SLC28A3: variants seen among roughly 807,000 people sequenced by gnomAD.
The protein encoded by SLC28A3 is solute carrier family 28 member 3.
A neutral mutation model predicts 84.2 loss-of-function variants in SLC28A3; 68 were observed. That is an observed-to-expected ratio of 0.81 (90% CI 0.66 to 0.99). SLC28A3 has a LOEUF of 0.99. Ranked by LOEUF, SLC28A3 falls within the 50% of genes least tolerant of loss-of-function variation. The pLI is 0.00. For missense variants in SLC28A3, 712 were observed against 841.5 expected (o/e 0.85, Z 1.90); for synonymous variants, 267 against 303.6 (o/e 0.88, Z 1.25).
At chr9:84,293,532 G>A (rs554910255) in intron 9 of SLC28A3, among the ~76,000 whole-genome samples, 2 of 152,310 alleles carry the variant, frequency 1.3e-5, no homozygotes, top group South Asian at 4.1e-4. Flanking sequence ...CTGGGGCTGT[G>A]CCCCAAGCAC....
intron 2 of SLC28A3, among the ~76,000 whole-genome samples, chr9:84,312,194 G>A (rs559861563): frequency 9.9e-5 from 15 of 152,158 alleles, no homozygotes; most frequent in Non-Finnish European, 2.2e-4. Context: ...ACATCCATGT[G>A]TAGGTTTTTA....
intron 1 of SLC28A3, among the ~76,000 whole-genome samples, chr9:84,324,609 A>C (rs1826488178): frequency 6.6e-6 from 1 of 151,318 alleles, no homozygotes; most frequent in Non-Finnish European, 1.5e-5. Flanking sequence ...ACACCACTGC[A>C]CTCCACATCC....
intron 17 of SLC28A3, 93 bp from the exon 18 acceptor site, chr9:84,278,437 G>T (rs1385970470): frequency 1.3e-6 from 2 of 1,509,456 alleles, no homozygotes; most frequent in Non-Finnish European, 9.0e-7. Context: ...TTCAGGGCAG[G>T]AAGCTGATTT....
rs982006566 is a variant in SLC28A3, at chr9:84,286,517, G to A, written c.1281-406C>T. Among the ~76,000 whole-genome samples the A allele has an allele frequency of 2.0e-5, 3 of 147,882 alleles. No homozygotes were observed. In the Admixed American group the frequency reaches 2.0e-4, roughly 10 times the overall value. On this transcript the variant is annotated intron_variant, in intron 12 of 17. Coordinates refer to ENST00000376238, the MANE Select transcript of SLC28A3 (RefSeq NM_001199633.2). ...GCACAGGCTGGTCTTGAACTTCTGG[G>A]CTTAAGCGATCCTCTTATCTTAGCC...
At chr9:84,347,941 G>C in the SLC28A3 span, among the ~76,000 whole-genome samples, 1 of 152,124 alleles carries the variant, frequency 6.6e-6, no homozygotes. Context: ...TCAAAAATGA[G>C]TTTCTAGGGC....
At chr9:84,354,373 C>G in the SLC28A3 span, among the ~76,000 whole-genome samples, 1 of 152,204 alleles carries the variant, frequency 6.6e-6, no homozygotes, top group Non-Finnish European at 1.5e-5. Context: ...ATACCATCCC[C>G]CCTGAAAGGA....
chr9:84,349,870 C>A, the SLC28A3 span, among the ~76,000 whole-genome samples: 1 of 152,158 alleles, frequency 6.6e-6, no homozygotes, highest in Non-Finnish European at 1.5e-5. Context: ...AGATGACAAT[C>A]TTTTTTAATA....
intron 8 of SLC28A3, among the ~76,000 whole-genome samples, chr9:84,295,364 C>A (rs548707581): frequency 7.2e-5 from 11 of 152,224 alleles, no homozygotes; most frequent in Non-Finnish European, 1.5e-4. Flanking sequence ...GCGGGCGGAT[C>A]ACCTGAGGTC....
chr9:84,288,019 C>T, intron 12 of SLC28A3, 29 bp downstream of exon 12: 1 of 1,612,998 alleles, frequency 6.2e-7, no homozygotes, highest in Non-Finnish European at 8.5e-7. Context: ...CTTGGGTAGT[C>T]ATTAATTAGG....
chr9:84,321,643 A>G (rs1178378196), intron 1 of SLC28A3, among the ~76,000 whole-genome samples: 1 of 149,056 alleles, frequency 6.7e-6, no homozygotes, highest in Non-Finnish European at 1.5e-5. Context: ...CTGAGGCAGG[A>G]GAATCACTTG....
chr9:84,288,168 G>C lies in SLC28A3; in HGVS notation c.1160C>G (p.Ser387Cys), dbSNP rs1164440180. 1 of 1,613,978 alleles carries C rather than the reference G, an allele frequency of 6.2e-7. No homozygotes were observed. Among genetic ancestry groups the C allele is most frequent in the African/African-American group, 1.3e-5 (1 of 74,940 alleles). ...CATAACTGACGCTGTTAACAAGTGG[G>C]AGGATGGAACCTGCAATTTCAGAAG... ...GAYISFGVPS[S>C]HLLTASVMSA... Residue 387 changes from serine (S) to cysteine (C), a missense_variant, in exon 12 of 18, where the codon TCC becomes TGC. Transcript: ENST00000376238.
At chr9:84,301,286 G>T (rs1315798123) in intron 5 of SLC28A3, among the ~76,000 whole-genome samples, 2 of 144,188 alleles carry the variant, frequency 1.4e-5, no homozygotes, top group African/African-American at 5.2e-5. Context: ...GGAGGCGGAG[G>T]TTGCAGTGAG....
intron 16 of SLC28A3, among the ~76,000 whole-genome samples, chr9:84,279,676 A>G (rs7850136): frequency 0.092 from 14,005 of 152,212 alleles, 784 homozygotes; most frequent in African/African-American, 0.16. Flanking sequence ...GCTGGTCTCA[A>G]ACTCCTGACA....
chr9:84,292,233 GA>G (rs1447548390), intron 10 of SLC28A3, among the ~76,000 whole-genome samples: 1 of 152,162 alleles, frequency 6.6e-6, no homozygotes, highest in Non-Finnish European at 1.5e-5. Flanking sequence ...GAGATTTCGA[GA>G]TAGTGAAATC....
At chr9:84,279,905 A>C in intron 16 of SLC28A3, 70 bp downstream of exon 16, 3 of 1,453,148 alleles carry the variant, frequency 2.1e-6, no homozygotes, top group Non-Finnish European at 2.9e-6. Context: ...TGCAAGCTGG[A>C]GGCACTGCCT....
chr9:84,300,449 C>G (rs571847117), intron 5 of SLC28A3, among the ~76,000 whole-genome samples: 5 of 152,252 alleles, frequency 3.3e-5, no homozygotes, highest in African/African-American at 9.6e-5. Context: ...CACCAGCGGC[C>G]GAGAGGGAGA....
chr9:84,339,885 T>A (rs1019262545), intron 1 of SLC28A3, among the ~76,000 whole-genome samples: 2 of 152,202 alleles, frequency 1.3e-5, no homozygotes, highest in African/African-American at 4.8e-5. Flanking sequence ...TAGCAGACCG[T>A]AAAGTCCAAG....
intron 2 of SLC28A3, among the ~76,000 whole-genome samples, chr9:84,310,231 C>G (rs1362437380): frequency 6.6e-6 from 1 of 152,182 alleles, no homozygotes; most frequent in African/African-American, 2.4e-5. Context: ...AACTAGGATC[C>G]TTTTATCAGT....
Position 84,340,555 on chromosome 9 carries a change from A to G in SLC28A3, c.60+19T>C. 6.2e-7 allele frequency: 1 copy of G among 1,614,012 alleles called. No homozygotes were observed. The highest frequency in any genetic ancestry group is 1.1e-5 in the South Asian group (1 of 91,074). On this transcript the variant is annotated intron_variant, in intron 1 of 17. Transcript: ENST00000376238. ...TTTTCCACTGAAGGCCTTTAACATA[A>G]GAGGAAAGCTCTGCTCACCTGGAAG... is the stretch of plus-strand genomic sequence containing the variant.
Sources: gnomAD v4.1 joint callset for allele counts (sites outside exome capture counted in the v4.1 genomes callset) on GRCh38, gnomAD v4.1.1 for gene constraint, MANE v1.5 for transcripts, NCBI Gene and HGNC (gene_info 2026-07-23, HGNC 2026-07-21) for gene names.